HIPK2: variants seen among roughly 807,000 people sequenced by gnomAD.
HIPK2 encodes homeodomain-interacting protein kinase 2.
In HIPK2, 27 loss-of-function variants were observed where a neutral mutation model predicts 113.7. The observed-to-expected ratio is 0.24, with a 90% confidence interval of 0.17 to 0.33. HIPK2 has a LOEUF of 0.33. Ranked by LOEUF, HIPK2 falls within the 10% of genes least tolerant of loss-of-function variation. The pLI is 1.00. For missense variants in HIPK2, 1,257 were observed against 1,588.0 expected, an observed-to-expected ratio of 0.79 and a Z score of 3.54; for synonymous variants, 631 against 642.2, an observed-to-expected ratio of 0.98 and a Z score of 0.26.
chr7:139,620,701 G>C, intron 6 of HIPK2, 138 bp from the exon 7 acceptor site: 1 of 1,159,006 alleles, frequency 8.6e-7, no homozygotes, highest in South Asian at 1.5e-5. Flanking sequence ...CTAAACTTTA[G>C]GTCTAAGTTT....
At chr7:139,682,668 G>GC (rs1252380400) in intron 2 of HIPK2, among the ~76,000 whole-genome samples, 1 of 152,196 alleles carries the variant, frequency 6.6e-6, no homozygotes, top group East Asian at 1.9e-4. Flanking sequence ...AGTGCTCCAT[G>GC]CATGTTTATT....
At chr7:139,590,823 T>C (rs1029764222) in intron 12 of HIPK2, among the ~76,000 whole-genome samples, 1 of 152,186 alleles carries the variant, frequency 6.6e-6, no homozygotes, top group Non-Finnish European at 1.5e-5. Flanking sequence ...CATTTTAATA[T>C]GGCACATACA....
intron 2 of HIPK2, among the ~76,000 whole-genome samples, chr7:139,640,077 T>G (rs1302823760): frequency 2.6e-5 from 4 of 152,164 alleles, no homozygotes; most frequent in African/African-American, 9.7e-5. Context: ...CTCCACCCCA[T>G]GGAACCATCT....
rs770918396 is a variant in HIPK2, at chr7:139,626,620, C to A, written c.1600G>T (p.Asp534Tyr). ...ACCTACTGTGTGCTGTGGGGAAAAT[C>A]GAGTAAGTGTGTCATGGTGACAAAG... is the stretch of plus-strand genomic sequence containing the variant. ...HPFVTMTHLL[D>Y]FPHSTHVKSC... Residue 534 changes from aspartate (D) to tyrosine (Y), a missense_variant, in exon 6 of 15, where the codon GAT becomes TAT. By Grantham distance (160) the Asp-to-Tyr change is radical. Coordinates refer to ENST00000406875, the MANE Select transcript of HIPK2 (RefSeq NM_022740.5). 5.6e-6 allele frequency: 9 copies of A among 1,613,618 alleles called. No individual in the cohort carries two copies. The Admixed American group carries it at 8.3e-5, about 15-fold the overall frequency.
chr7:139,593,498 T>C (rs1799094902), intron 12 of HIPK2, among the ~76,000 whole-genome samples: 1 of 152,204 alleles, frequency 6.6e-6, no homozygotes, highest in African/African-American at 2.4e-5. Flanking sequence ...TGATTTTGCA[T>C]TGGCTTTCTT....
chr7:139,768,171 G>A (rs1454185699), intron 1 of HIPK2, among the ~76,000 whole-genome samples: 5 of 152,278 alleles, frequency 3.3e-5, no homozygotes, highest in East Asian at 3.9e-4. Context: ...TGGGGGCCTC[G>A]CTTCACACTC....
chr7:139,763,479 C>G (rs1384853984), intron 1 of HIPK2, among the ~76,000 whole-genome samples: 2 of 131,026 alleles, frequency 1.5e-5, no homozygotes, highest in Admixed American at 7.5e-5. Flanking sequence ...CACGCCCCCC[C>G]CCCCACACGC....
chr7:139,693,744 G>A (rs79811773), intron 2 of HIPK2, among the ~76,000 whole-genome samples: 2,084 of 151,464 alleles, frequency 0.014, 42 homozygotes, highest in African/African-American at 0.049. Flanking sequence ...AACATTTTAA[G>A]TATGGTGTTG....
chr7:139,713,796 C>G (rs1313072460), intron 2 of HIPK2, among the ~76,000 whole-genome samples: 5 of 152,336 alleles, frequency 3.3e-5, no homozygotes, highest in African/African-American at 1.2e-4. Context: ...GCACAGCAGC[C>G]TCCCAGAGCC....
chr7:139,707,488 G>T (rs573510959), intron 2 of HIPK2, among the ~76,000 whole-genome samples: 1 of 152,368 alleles, frequency 6.6e-6, no homozygotes, highest in African/African-American at 2.4e-5. Context: ...CATGCTAGTG[G>T]CCCTAAAAGC....
At chr7:139,618,354 A>C (rs1388050171) in intron 7 of HIPK2, among the ~76,000 whole-genome samples, 2 of 152,134 alleles carry the variant, frequency 1.3e-5, no homozygotes, top group Non-Finnish European at 2.9e-5. Flanking sequence ...TGATGTATTC[A>C]AAAGTAGGGA....
intron 1 of HIPK2, among the ~76,000 whole-genome samples, chr7:139,745,834 A>G (rs1222200160): frequency 1.3e-5 from 2 of 152,180 alleles, no homozygotes; most frequent in Admixed American, 1.3e-4. Flanking sequence ...CTGGGGACTC[A>G]GTAAATGTTT....
At chr7:139,604,316 T>C in intron 9 of HIPK2, 93 bp from the exon 10 acceptor site, 1 of 1,509,192 alleles carries the variant, frequency 6.6e-7, no homozygotes, top group South Asian at 1.3e-5. Context: ...GGGGTTGTGC[T>C]AGACATTCTC....
chr7:139,638,224 C>T (rs1328258897), intron 2 of HIPK2, among the ~76,000 whole-genome samples: 1 of 152,192 alleles, frequency 6.6e-6, no homozygotes, highest in Non-Finnish European at 1.5e-5. Flanking sequence ...TGCTCTCTTG[C>T]CTTTGGTTTT....
intron 11 of HIPK2, among the ~76,000 whole-genome samples, chr7:139,599,825 A>G (rs1242699615): frequency 2.0e-5 from 3 of 152,230 alleles, no homozygotes; most frequent in African/African-American, 7.2e-5. Flanking sequence ...TTGCTTCACC[A>G]AACTTTAGTC....
At chr7:139,673,938 G>C (rs1027830950) in intron 2 of HIPK2, among the ~76,000 whole-genome samples, 7 of 140,192 alleles carry the variant, frequency 5.0e-5, no homozygotes, top group African/African-American at 7.9e-5. Flanking sequence ...GCAGACTGCA[G>C]ACTACGCCTG....
rs2116873649 is a variant in HIPK2, at chr7:139,626,934, A to T, written c.1435-149T>A. ...GAACTCTGCCCCTATGGGAGGCACCACCCACATGTTGTCATTGCCCACAGG... is the reference window on the plus strand; with the variant it reads ...GAACTCTGCCCCTATGGGAGGCACCTCCCACATGTTGTCATTGCCCACAGG... On this transcript the variant is annotated intron_variant, in intron 5 of 14. Coordinates refer to ENST00000406875, the MANE Select transcript of HIPK2 (RefSeq NM_022740.5). 6.3e-6 allele frequency: 5 copies of T among 795,582 alleles called. No homozygotes were observed. In the South Asian group the frequency reaches 8.6e-5, roughly 14 times the overall value. The allele number at this position is 795,582 out of a possible 1,614,324, so 49.3% of individuals were successfully genotyped here.
intron 2 of HIPK2, among the ~76,000 whole-genome samples, chr7:139,658,494 A>T (rs1481227027): frequency 1.3e-5 from 2 of 152,252 alleles, no homozygotes; most frequent in African/African-American, 4.8e-5. Context: ...ATTTTCAGGG[A>T]AAGTGACTTC....
In HIPK2 at chr7:139,747,639, C is replaced by T. The variant is rs1235642418; in HGVS notation, c.19+29966G>A. ...TGTGTTACTTCACTTTTACTCCCAC[C>T]TAGGCCCCTGTGGCTGAGGACAAGA... is the stretch of plus-strand genomic sequence containing the variant. On this transcript the variant is annotated intron_variant, in intron 1 of 14. Transcript: ENST00000406875. Among the ~76,000 whole-genome samples, 4 of 152,196 alleles carry T rather than the reference C, an allele frequency of 2.6e-5. No individual in the cohort carries two copies. The East Asian group carries it at 7.7e-4, about 29-fold the overall frequency.
Sources: gnomAD v4.1 joint callset for allele counts (sites outside exome capture counted in the v4.1 genomes callset) on GRCh38, gnomAD v4.1.1 for gene constraint, MANE v1.5 for transcripts, NCBI Gene and HGNC (gene_info 2026-07-23, HGNC 2026-07-21) for gene names.